Variants in ADCY1 observed in about 807,000 individuals in gnomAD.
ADCY1 encodes adenylate cyclase 1.
In ADCY1, 28 loss-of-function variants were observed where a neutral mutation model predicts 105.4. The observed-to-expected ratio is 0.27, with a 90% CI of 0.20 to 0.36. The LOEUF (loss-of-function observed/expected upper bound fraction) is 0.36, where lower values mean the gene tolerates loss of function less well. Among genes scored for constraint, ADCY1 ranks in the 10% least tolerant of loss-of-function variants. ADCY1 has a pLI of 1.00. For synonymous variants in ADCY1, 655 were observed against 623.8 expected, an observed-to-expected ratio of 1.05 and a Z score of -0.75; for missense variants, 977 against 1,434.2, an observed-to-expected ratio of 0.68 and a Z score of 5.15.
intron 5 of ADCY1, among the ~76,000 whole-genome samples, chr7:45,653,726 C>A (rs1042989267): frequency 2.6e-5 from 4 of 152,346 alleles, no homozygotes; most frequent in Non-Finnish European, 5.9e-5. Context: ...TCTGTGCTCA[C>A]CCACCTTCTT....
intron 17 of ADCY1, among the ~76,000 whole-genome samples, chr7:45,706,484 A>G (rs1785120629): frequency 8.6e-6 from 1 of 115,882 alleles, no homozygotes; most frequent in Non-Finnish European, 1.7e-5. Flanking sequence ...ACAACTGGAC[A>G]TCACATGCAA....
rs1489553460 is a variant in ADCY1 at position 45,717,877 on chromosome 7, ATAACTC to A, written c.*3891_*3896del. On this transcript the variant is annotated 3_prime_UTR_variant, in exon 20 of 20. Coordinates refer to ENST00000297323, the MANE Select transcript of ADCY1 (RefSeq NM_021116.4). Reference sequence around the variant, plus strand: ...TTCTGGAACACCTGTCATAGAAGCAATAACTCTAACTCTATACTGTAGAGATGAGTC... The same window carrying A: ...TTCTGGAACACCTGTCATAGAAGCAATAACTCTATACTGTAGAGATGAGTC... 6.6e-6 allele frequency: 1 copy of A among 152,650 alleles called. No homozygotes were observed. The highest frequency in any genetic ancestry group is 1.5e-5 in the Non-Finnish European group (1 of 68,062). The allele number at this position is 152,650 out of a possible 1,614,324, so 9.5% of individuals were successfully genotyped here.
intron 8 of ADCY1, among the ~76,000 whole-genome samples, chr7:45,674,664 GC>G (rs1726750057): frequency 1.3e-5 from 2 of 152,268 alleles, no homozygotes; most frequent in East Asian, 3.9e-4. Context: ...GAGCCACAGC[GC>G]CCCACTGTTT....
At chr7:45,679,611 C>A in intron 10 of ADCY1, 98 bp from the exon 11 acceptor site, 1 of 1,176,994 alleles carries the variant, frequency 8.5e-7, no homozygotes. Context: ...CCTGAGAGCA[C>A]AGGGGATGTG....
intron 4 of ADCY1, among the ~76,000 whole-genome samples, chr7:45,641,516 C>T (rs896657940): frequency 6.6e-6 from 1 of 152,180 alleles, no homozygotes; most frequent in Non-Finnish European, 1.5e-5. Flanking sequence ...TTAACTCTAT[C>T]ATCTGAGAAC....
chr7:45,650,241 A>G (rs1304526892), intron 5 of ADCY1, among the ~76,000 whole-genome samples: 1 of 152,184 alleles, frequency 6.6e-6, no homozygotes, highest in Non-Finnish European at 1.5e-5. Flanking sequence ...AATCTACCAT[A>G]TAACATATCA....
chr7:45,675,719 AT>A (rs1215401264), intron 8 of ADCY1, among the ~76,000 whole-genome samples: 5 of 151,988 alleles, frequency 3.3e-5, no homozygotes, highest in Non-Finnish European at 7.4e-5. Flanking sequence ...AAATGATGCT[AT>A]CATTCTAGTT....
At chr7:45,658,953 C>G (rs1020215650) in intron 6 of ADCY1, among the ~76,000 whole-genome samples, 1 of 152,226 alleles carries the variant, frequency 6.6e-6, no homozygotes, top group South Asian at 2.1e-4. Context: ...GGACTGGGCC[C>G]GGGGATCCAA....
intron 14 of ADCY1, among the ~76,000 whole-genome samples, chr7:45,687,224 G>T (rs1784701073): frequency 6.6e-6 from 1 of 152,208 alleles, no homozygotes; most frequent in Admixed American, 6.5e-5. Context: ...ATGTGAACTG[G>T]CTTCAGGCCC....
chr7:45,612,023 C>CT (rs1793607015), intron 3 of ADCY1, among the ~76,000 whole-genome samples: 1 of 152,194 alleles, frequency 6.6e-6, no homozygotes, highest in South Asian at 2.1e-4. Context: ...GTCAGTCATC[C>CT]TTGTGTGCCA....
chr7:45,583,709 C>T lies in ADCY1; in HGVS notation c.639+8527C>T, dbSNP rs187195174. Among the ~76,000 whole-genome samples, 49 of 151,644 alleles carry T rather than the reference C, an allele frequency of 3.2e-4. 1 individual carries two copies. Among genetic ancestry groups the T allele is most frequent in the Admixed American group, 2.0e-3 (31 of 15,244 alleles). ...AGGCCGGAGTGCAGTGGCGCTGTCT[C>T]GGCTCACCACAACCTCCGAGTCCCA... is the stretch of plus-strand genomic sequence containing the variant. On this transcript the variant is annotated intron_variant, in intron 1 of 19. Coordinates refer to ENST00000297323, the MANE Select transcript of ADCY1 (RefSeq NM_021116.4).
rs1785420182 is a variant in ADCY1 at position 45,719,277 on chromosome 7, GC to G, written c.*5285del. The G allele has an allele frequency of 6.6e-6, 1 of 152,310 alleles. No individual in the cohort carries two copies. Among genetic ancestry groups the G allele is most frequent in the Non-Finnish European group, 1.5e-5 (1 of 68,108 alleles). The allele number at this position is 152,310 out of a possible 1,614,324, so 9.4% of individuals were successfully genotyped here. Reference sequence around the variant, plus strand: ...AGACAGACACGGTGGGGAGCTTGGAGCCCTCCGCTCACCTAGAGGAGCCCTG... The same window carrying G: ...AGACAGACACGGTGGGGAGCTTGGAGCCTCCGCTCACCTAGAGGAGCCCTG... On this transcript the variant is annotated 3_prime_UTR_variant, in exon 20 of 20. Transcript: ENST00000297323.
At chr7:45,589,791 G>GT (rs201038858) in intron 1 of ADCY1, among the ~76,000 whole-genome samples, 12,324 of 149,240 alleles carry the variant, frequency 0.083, 538 homozygotes, top group African/African-American at 0.12. Flanking sequence ...TCCACCGTGG[G>GT]TTTTTTTTTT....
At chr7:45,583,797 C>T (rs534118310) in intron 1 of ADCY1, among the ~76,000 whole-genome samples, 8 of 152,082 alleles carry the variant, frequency 5.3e-5, no homozygotes, top group East Asian at 3.9e-4. Context: ...TGCACCACCA[C>T]GCCTGGCTAA....
chr7:45,667,778 C>T (rs1022593197), intron 8 of ADCY1, among the ~76,000 whole-genome samples: 2 of 152,118 alleles, frequency 1.3e-5, no homozygotes, highest in Non-Finnish European at 2.9e-5. Flanking sequence ...AATGTTCTTC[C>T]ATTTGTTTGT....
intron 14 of ADCY1, among the ~76,000 whole-genome samples, chr7:45,702,424 G>A (rs1199393816): frequency 6.6e-6 from 1 of 152,250 alleles, no homozygotes; most frequent in Non-Finnish European, 1.5e-5. Flanking sequence ...ACCATGGCTT[G>A]TGGTGGCCAG....
At chr7:45,642,417 A>T (rs1247819327) in intron 4 of ADCY1, among the ~76,000 whole-genome samples, 1 of 152,148 alleles carries the variant, frequency 6.6e-6, no homozygotes, top group Non-Finnish European at 1.5e-5. Flanking sequence ...TGCATGTGAA[A>T]GTATTTACTG....
intron 2 of ADCY1, among the ~76,000 whole-genome samples, chr7:45,605,511 C>G (rs1793349895): frequency 6.6e-6 from 1 of 151,622 alleles, no homozygotes. Flanking sequence ...AAGTTTTCAT[C>G]ATAAATAGAT....
chr7:45,641,705 T>C (rs1479541776), intron 4 of ADCY1, among the ~76,000 whole-genome samples: 1 of 150,872 alleles, frequency 6.6e-6, no homozygotes. Flanking sequence ...GGCAGGTGGA[T>C]CATGAGGTCA....
Sources: gnomAD v4.1 joint callset for allele counts (sites outside exome capture counted in the v4.1 genomes callset) on GRCh38, gnomAD v4.1.1 for gene constraint, MANE v1.5 for transcripts, NCBI Gene and HGNC (gene_info 2026-07-23, HGNC 2026-07-21) for gene names.